The following F5 variants were observed in gnomAD, a reference collection of about 807,000 sequenced individuals.
The protein encoded by F5 is coagulation factor V.
F5 carries 138 observed loss-of-function variants against 216.4 expected under a neutral mutation model. The observed-to-expected ratio is 0.64, with a 90% CI of 0.56 to 0.73. The LOEUF is 0.73. F5 is among the 30% of genes least tolerant of loss of function. The pLI is 0.00. For missense variants in F5, 2,403 were observed against 2,674.0 expected (o/e 0.90, Z 2.24); for synonymous variants, 916 against 930.7 (o/e 0.98, Z 0.29).
At chr1:169,563,437 C>T (rs1451789051) in intron 3 of F5, among the ~76,000 whole-genome samples, 1 of 152,036 alleles carries the variant, frequency 6.6e-6, no homozygotes, top group Non-Finnish European at 1.5e-5. Context: ...CTTCTGGGAT[C>T]CAATTACACA....
chr1:169,523,708 C>G (rs75398978), intron 20 of F5, 93 bp downstream of exon 20: 1 of 1,163,160 alleles, frequency 8.6e-7, no homozygotes, highest in African/African-American at 1.5e-5. Flanking sequence ...TTTCCCCTAA[C>G]AACATTGCAA....
chr1:169,512,839 C>A lies in F5; in HGVS notation c.*1474G>T, dbSNP rs554692992. ...AAGATGCTCCCAGTGAATTATGCCT[C>A]CTGGTATGTGGTCCTTATGCAGTTC... On this transcript the variant is annotated 3_prime_UTR_variant, in exon 25 of 25. Transcript: ENST00000367797. Among the ~76,000 whole-genome samples the A allele has an allele frequency of 6.6e-6, 1 of 152,152 alleles. No homozygotes were observed. Among genetic ancestry groups the A allele is most frequent in the Admixed American group, 6.6e-5 (1 of 15,254 alleles).
At chr1:169,524,988 A>G (rs1659404913) in intron 18 of F5, 80 bp from the exon 19 acceptor site, 1 of 1,115,078 alleles carries the variant, frequency 9.0e-7, no homozygotes, top group South Asian at 1.3e-5. Context: ...GTTAGGGATT[A>G]TGTTTCTGAC....
intron 13 of F5, 118 bp from the exon 14 acceptor site, chr1:169,536,798 G>T: frequency 1.3e-6 from 1 of 754,152 alleles, no homozygotes; most frequent in East Asian, 2.7e-5. Context: ...ATAAATACTT[G>T]GTGGATAAAT....
At chr1:169,535,502 C>T (rs9332696) in intron 14 of F5, among the ~76,000 whole-genome samples, 23 of 152,236 alleles carry the variant, frequency 1.5e-4, no homozygotes, top group Non-Finnish European at 2.6e-4. Flanking sequence ...GTAGTGTACC[C>T]TGTACCCAAT....
At chr1:169,566,360 G>T (rs1030101038) in intron 3 of F5, among the ~76,000 whole-genome samples, 43 of 151,962 alleles carry the variant, frequency 2.8e-4, no homozygotes, top group African/African-American at 9.4e-4. Flanking sequence ...TTCTTTGCAG[G>T]GTAGGAGATA....
chr1:169,553,749 T>C (rs892895948), intron 7 of F5, among the ~76,000 whole-genome samples: 4 of 151,810 alleles, frequency 2.6e-5, no homozygotes, highest in African/African-American at 4.8e-5. Flanking sequence ...CGCAATGAGA[T>C]GCCCTCTCAT....
chr1:169,559,133 G>A lies in F5; in HGVS notation c.730+20C>T. ...CTAATGATTTTACTGTTGTTTAATG[G>A]TACACAGCCCTCGTGTTACCTGGCA... is the stretch of plus-strand genomic sequence containing the variant. On this transcript the variant is annotated intron_variant, in intron 5 of 24. Transcript: ENST00000367797. 1 of 1,613,270 alleles carries A rather than the reference G, an allele frequency of 6.2e-7. No homozygotes were observed. The highest frequency in any genetic ancestry group is 1.7e-5 in the Admixed American group (1 of 59,986).
Position 169,575,885 on chromosome 1 carries a change from T to A in F5, c.251-3542A>T, listed in dbSNP as rs150843390. Among the ~76,000 whole-genome samples, 897 of 152,220 alleles carry A rather than the reference T, an allele frequency of 5.9e-3. 10 individuals carry two copies. Among genetic ancestry groups the A allele is most frequent in the Non-Finnish European group, 5.7e-3 (390 of 68,002 alleles). On this transcript the variant is annotated intron_variant, in intron 2 of 24. Transcript: ENST00000367797. ...TTTATATGGCAAAAGGGACTGTGTA[T>A]CTATGATTAAGAATCTTGAGATGAG...
In F5 at chr1:169,540,676, A is replaced by C. The variant is rs749081272; in HGVS notation, c.4414T>G (p.Ser1472Ala). The C allele has an allele frequency of 9.9e-6, 16 of 1,613,936 alleles. No homozygotes were observed. The Middle Eastern group carries it at 4.9e-4, about 50-fold the overall frequency. ...QIFYPSESSQ[S>A]LLLQEFNESF... ...TCATTAAATTCTTGAAGAAGCAATG[A>C]CTGACTAGATTCAGAAGGGTAGAAT... Residue 1472 changes from serine to alanine, a missense_variant, in exon 13 of 25, where the codon TCA (serine) becomes GCA (alanine). By Grantham distance (99) the Ser-to-Ala change is moderately conservative. Coordinates refer to ENST00000367797, the MANE Select transcript of F5 (RefSeq NM_000130.5).
At chr1:169,568,052 TA>T (rs1304790421) in intron 3 of F5, among the ~76,000 whole-genome samples, 1 of 152,134 alleles carries the variant, frequency 6.6e-6, no homozygotes, top group Non-Finnish European at 1.5e-5. Context: ...ATACTGGGCT[TA>T]AAAAATTATT....
chr1:169,564,579 T>C (rs562662796), intron 3 of F5, among the ~76,000 whole-genome samples: 1 of 152,168 alleles, frequency 6.6e-6, no homozygotes, highest in East Asian at 1.9e-4. Context: ...TGTCTGCCTG[T>C]CTAGTTGTTG....
chr1:169,544,223 G>A (rs1659941561), intron 12 of F5, 73 bp downstream of exon 12: 1 of 1,246,330 alleles, frequency 8.0e-7, no homozygotes. Context: ...GTAGCCTGGA[G>A]AGTTGCAGCA....
At chr1:169,535,443 T>C (rs889771583) in intron 14 of F5, among the ~76,000 whole-genome samples, 2 of 152,176 alleles carry the variant, frequency 1.3e-5, no homozygotes, top group African/African-American at 4.8e-5. Flanking sequence ...GTTACATGGA[T>C]GAATTGTATA....
At chr1:169,518,815 G>C (rs1659221137) in intron 22 of F5, among the ~76,000 whole-genome samples, 1 of 152,108 alleles carries the variant, frequency 6.6e-6, no homozygotes, top group Non-Finnish European at 1.5e-5. Context: ...ACAGCCACAA[G>C]AATCAGAAAC....
At chr1:169,548,507 G>A (rs1055712829) in intron 10 of F5, among the ~76,000 whole-genome samples, 3 of 152,136 alleles carry the variant, frequency 2.0e-5, no homozygotes, top group Non-Finnish European at 4.4e-5. Context: ...TGTGTACACA[G>A]CACTTGTTAG....
In F5 at chr1:169,562,779, A is replaced by G. The variant is rs550666789; in HGVS notation, c.374-2013T>C. Reference sequence around the variant, plus strand: ...CCCAGCCTTTGTGCTATTGTCATACATTTTATTTATATATACATAATATAC... The same window carrying G: ...CCCAGCCTTTGTGCTATTGTCATACGTTTTATTTATATATACATAATATAC... On this transcript the variant is annotated intron_variant, in intron 3 of 24. Coordinates refer to ENST00000367797, the MANE Select transcript of F5 (RefSeq NM_000130.5). Among the ~76,000 whole-genome samples, 9 of 152,124 alleles carry G rather than the reference A, an allele frequency of 5.9e-5. No homozygotes were observed. In the South Asian group the frequency reaches 1.9e-3, roughly 32 times the overall value.
chr1:169,581,658 A>C (rs1660989089), intron 2 of F5, among the ~76,000 whole-genome samples: 1 of 152,190 alleles, frequency 6.6e-6, no homozygotes, highest in Non-Finnish European at 1.5e-5. Context: ...ATTACTGACA[A>C]GGGGATTCAA....
rs1379139498 is a variant in F5, at chr1:169,540,590, A to G, written c.4500T>C (p.Asp1500=). 6.2e-7 allele frequency: 1 copy of G among 1,613,944 alleles called. No homozygotes were observed. The highest frequency in any genetic ancestry group is 2.2e-5 in the East Asian group (1 of 44,880). ...GATTAAATTCCTTTGATAGAAAAGTATCATTGAGAGTAGGAGATGAAGGAG... is the reference window on the plus strand; with the variant it reads ...GATTAAATTCCTTTGATAGAAAAGTGTCATTGAGAGTAGGAGATGAAGGAG... The part of the protein sequence containing the change: ...MPSPSSPTLN[D]TFLSKEFNPL... The change falls in exon 13 of 25, where the codon GAT becomes GAC. Residue 1500 remains aspartate (D), a synonymous_variant. Coordinates refer to ENST00000367797, the MANE Select transcript of F5 (RefSeq NM_000130.5).
Sources: allele counts gnomAD v4.1 joint callset (sites outside exome capture counted in the v4.1 genomes callset), GRCh38; gene constraint gnomAD v4.1.1; transcripts MANE v1.5; gene names NCBI Gene and HGNC (gene_info 2026-07-23, HGNC 2026-07-21).